ZFHX3: variants seen among roughly 807,000 people sequenced by gnomAD.
ZFHX3 encodes zinc finger homeobox 3, also known as zinc finger homeobox protein 3.
In ZFHX3, 42 loss-of-function variants were observed where a neutral mutation model predicts 279.1. That is an observed-to-expected ratio of 0.15 (90% CI 0.12 to 0.19). The LOEUF (loss-of-function observed/expected upper bound fraction) is 0.19, where lower values mean the gene tolerates loss of function less well. Ranked by LOEUF, ZFHX3 falls within the 10% of genes least tolerant of loss-of-function variation. The pLI is 1.00. For missense variants in ZFHX3, 4,981 were observed against 4,754.0 expected, an observed-to-expected ratio of 1.05 and a Z score of -1.40; for synonymous variants, 2,293 against 1,957.8, an observed-to-expected ratio of 1.17 and a Z score of -4.52.
rs374416547 is a variant in ZFHX3, at chr16:72,787,694, A to AGCCGCCGCCGCCGCCGCC, written c.10564_10581dup (p.Gly3522_Gly3527dup). On this transcript the variant is annotated inframe_insertion, in exon 10 of 10. Coordinates refer to ENST00000268489, the MANE Select transcript of ZFHX3 (RefSeq NM_006885.4). Reference sequence around the variant, plus strand: ...CTCTCGCACGCCAGGCAGTGGTACGAGCCGCCGCCGCCGCCGCCGCCGCCA... The same window carrying AGCCGCCGCCGCCGCCGCC: ...CTCTCGCACGCCAGGCAGTGGTACGAGCCGCCGCCGCCGCCGCCGCCGCCGCCGCCGCCGCCGCCGCCA... 2.0e-5 allele frequency: 28 copies of AGCCGCCGCCGCCGCCGCC among 1,420,772 alleles called. No individual in the cohort carries two copies. Among genetic ancestry groups the AGCCGCCGCCGCCGCCGCC allele is most frequent in the South Asian group, 5.6e-5 (3 of 53,438 alleles). The allele number at this position is 1,420,772 out of a possible 1,614,324, so 88.0% of individuals were successfully genotyped here.
chr16:73,022,993 C>T (rs1488660994), intron 1 of ZFHX3, among the ~76,000 whole-genome samples: 2 of 152,220 alleles, frequency 1.3e-5, no homozygotes, highest in African/African-American at 2.4e-5. Context: ...TCTGGAAGGC[C>T]GAGGCGGGCA....
intron 5 of ZFHX3, chr16:72,821,883 G>C (rs918613727): frequency 6.6e-6 from 1 of 152,144 alleles, no homozygotes; most frequent in African/African-American, 2.4e-5. Flanking sequence ...TACTGCTGGG[G>C]CTATAAAACC....
At chr16:73,561,878 G>A (rs2020374586) in intron 2 of ZFHX3, among the ~76,000 whole-genome samples, 1 of 152,170 alleles carries the variant, frequency 6.6e-6, no homozygotes, top group African/African-American at 2.4e-5. Flanking sequence ...GGGCTAAGCT[G>A]TGGGGGCCTC....
chr16:73,439,757 C>T (rs138686153), intron 3 of ZFHX3, among the ~76,000 whole-genome samples: 24 of 151,854 alleles, frequency 1.6e-4, no homozygotes, highest in African/African-American at 5.6e-4. Flanking sequence ...GCTGATTCTT[C>T]TCTTTACGGG....
intron 1 of ZFHX3, among the ~76,000 whole-genome samples, chr16:73,727,734 A>T (rs1002233672): frequency 2.0e-5 from 3 of 152,082 alleles, no homozygotes; most frequent in African/African-American, 7.2e-5. Flanking sequence ...TGTCTTCTCC[A>T]GCCTTGAATG....
At chr16:73,514,555 C>T (rs926039383) in intron 2 of ZFHX3, among the ~76,000 whole-genome samples, 1 of 152,168 alleles carries the variant, frequency 6.6e-6, no homozygotes, top group African/African-American at 2.4e-5. Flanking sequence ...AATTCCAATA[C>T]TGATATTAGT....
At chr16:72,944,086 C>G (rs1960548070) in intron 3 of ZFHX3, among the ~76,000 whole-genome samples, 1 of 152,044 alleles carries the variant, frequency 6.6e-6, no homozygotes, top group South Asian at 2.1e-4. Flanking sequence ...GGGTTCAAGA[C>G]CAGCCTAGGC....
intron 4 of ZFHX3, among the ~76,000 whole-genome samples, chr16:72,855,052 T>A (rs897567593): frequency 2.0e-5 from 3 of 151,688 alleles, no homozygotes; most frequent in African/African-American, 7.3e-5. Context: ...CAGAGATAAA[T>A]ACGTTCCAAT....
In ZFHX3 at chr16:72,796,014, T is replaced by A. The variant is rs1197518730; in HGVS notation, c.6668A>T (p.Lys2223Met). 1 of 1,614,038 alleles carries A rather than the reference T, an allele frequency of 6.2e-7. No homozygotes were observed. The highest frequency in any genetic ancestry group is 1.3e-5 in the African/African-American group (1 of 74,916). Residue 2223 changes from lysine (K) to methionine (M), a missense_variant, in exon 9 of 10, where the codon AAG becomes ATG. By Grantham distance (95) the Lys-to-Met change is moderately conservative. Transcript: ENST00000268489. ...NPPITSLEEL[K>M]IDSRPPSPEP... is the part of the protein sequence containing the mutation. The stretch of plus-strand genomic sequence containing the variant: ...CGGCGAAGGGGGCCGGGAGTCAATC[T>A]TGAGCTCCTCCAGGCTGGTGATAGG...
chr16:73,261,493 A>G (rs185909351), intron 4 of ZFHX3, among the ~76,000 whole-genome samples: 1 of 152,248 alleles, frequency 6.6e-6, no homozygotes, highest in Non-Finnish European at 1.5e-5. Flanking sequence ...AAAATAAAAT[A>G]CTATAAAACA....
At chr16:73,682,344 GGTTTTAATCATAAGGCACATGGGAATGTT>G (rs1266285288) in intron 1 of ZFHX3, among the ~76,000 whole-genome samples, 16 of 152,026 alleles carry the variant, frequency 1.1e-4, no homozygotes, top group African/African-American at 3.4e-4. Flanking sequence ...AAAAATTAGG[GGTTTTAATCATAAGGCACATGGGAATGTT>G]GTTTTGGAGA....
At chr16:73,129,967 G>A (rs1290176312) in intron 7 of ZFHX3, among the ~76,000 whole-genome samples, 1 of 152,130 alleles carries the variant, frequency 6.6e-6, no homozygotes, top group East Asian at 1.9e-4. Flanking sequence ...TCTAACCCGA[G>A]AGCATTGCCA....
chr16:73,580,248 G>A (rs1023040907), intron 2 of ZFHX3, among the ~76,000 whole-genome samples: 5 of 151,898 alleles, frequency 3.3e-5, no homozygotes, highest in African/African-American at 1.2e-4. Flanking sequence ...GGGAGGCCAA[G>A]GCGGGCAGAT....
Position 72,796,146 on chromosome 16 carries a change from G to T in ZFHX3, c.6536C>A (p.Ala2179Glu), listed in dbSNP as rs2035891916. ...SPSEEQIKEMADKSGLPQKVI... is the reference protein window; with the variant it reads ...SPSEEQIKEMEDKSGLPQKVI... ...TTTCTGGGGCAACCCGGACTTGTCT[G>T]CCATCTCTTTTATTTGCTCTTCACT... The change falls in exon 9 of 10, where the codon GCA becomes GAA. Residue 2179 changes from alanine (A) to glutamate (E), a missense_variant. Transcript: ENST00000268489. The T allele has an allele frequency of 2.5e-6, 4 of 1,614,146 alleles. No individual in the cohort carries two copies. Among genetic ancestry groups the T allele is most frequent in the Non-Finnish European group, 3.4e-6 (4 of 1,180,030 alleles).
At chr16:73,155,429 C>T (rs1967054537) in intron 5 of ZFHX3, among the ~76,000 whole-genome samples, 1 of 152,070 alleles carries the variant, frequency 6.6e-6, no homozygotes, top group Non-Finnish European at 1.5e-5. Flanking sequence ...CAGCCCTTGC[C>T]CCAATCCCTC....
intron 5 of ZFHX3, among the ~76,000 whole-genome samples, chr16:73,162,471 A>G (rs1366112709): frequency 2.6e-5 from 4 of 152,190 alleles, no homozygotes; most frequent in Admixed American, 2.6e-4. Context: ...ATATATTCCA[A>G]TGTAATAATT....
At chr16:73,791,141 T>C (rs8053239) in intron 1 of ZFHX3, among the ~76,000 whole-genome samples, 2,806 of 152,152 alleles carry the variant, frequency 0.018, 83 homozygotes, top group African/African-American at 0.064. Flanking sequence ...ATTTTTCTAT[T>C]TTTTGTAGAG....
chr16:73,321,849 CAG>C (rs140029593), intron 3 of ZFHX3, among the ~76,000 whole-genome samples: 4 of 150,890 alleles, frequency 2.7e-5, no homozygotes, highest in Admixed American at 6.6e-5. Context: ...GAGAAAAAGA[CAG>C]AGAGAGAGAG....
intron 2 of ZFHX3, among the ~76,000 whole-genome samples, chr16:73,495,125 G>A (rs2019119869): frequency 6.6e-6 from 1 of 152,178 alleles, no homozygotes; most frequent in Non-Finnish European, 1.5e-5. Flanking sequence ...AATTGTGATG[G>A]ATTGATACTT....
Sources: allele counts gnomAD v4.1 joint callset (sites outside exome capture counted in the v4.1 genomes callset), GRCh38; gene constraint gnomAD v4.1.1; transcripts MANE v1.5; gene names NCBI Gene and HGNC (gene_info 2026-07-23, HGNC 2026-07-21).